MSL2: variants seen among roughly 807,000 people sequenced by gnomAD.
MSL2 encodes the protein MSL complex subunit 2, also known as E3 ubiquitin-protein ligase MSL2.
Under a neutral mutation model 35.8 loss-of-function variants are expected in MSL2, and 2 were observed. The ratio of observed to expected loss-of-function variants is 0.06; its 90% CI spans 0.02 to 0.18. The LOEUF (loss-of-function observed/expected upper bound fraction) is 0.18. Among genes scored for constraint, MSL2 ranks in the 10% least tolerant of loss-of-function variants. The pLI is 1.00. For missense variants in MSL2, 523 were observed against 706.7 expected (o/e 0.74, Z 2.95); for synonymous variants, 296 against 255.7 (o/e 1.16, Z -1.50).
At chr3:136,154,561 A>T (rs1939462908) in intron 1 of MSL2, among the ~76,000 whole-genome samples, 1 of 148,820 alleles carries the variant, frequency 6.7e-6, no homozygotes, top group Non-Finnish European at 1.5e-5. Context: ...AGAAATTAGA[A>T]ATCAGTGGGA....
intron 1 of MSL2, among the ~76,000 whole-genome samples, chr3:136,154,269 A>G (rs1939455445): frequency 6.6e-6 from 1 of 152,210 alleles, no homozygotes; most frequent in African/African-American, 2.4e-5. Flanking sequence ...AATTCTTCTG[A>G]CAGATTTCAA....
chr3:136,195,890 G>A lies in MSL2; in HGVS notation c.-777C>T. ...GCGGGAGGGGGCGGGGGGCAAGCCC[G>A]GCCGGGCCGCGGCGGCGCCCCTCGC... On this transcript the variant is annotated 5_prime_UTR_variant, in exon 1 of 2. Coordinates refer to ENST00000309993, the MANE Select transcript of MSL2 (RefSeq NM_018133.4). 1 of 896,648 alleles carries A rather than the reference G, an allele frequency of 1.1e-6. No homozygotes were observed. Among genetic ancestry groups the A allele is most frequent in the Non-Finnish European group, 1.3e-6 (1 of 750,428 alleles). The allele number at this position is 896,648 out of a possible 1,614,324, so 55.5% of individuals were successfully genotyped here.
chr3:136,152,278 T>C lies in MSL2; in HGVS notation c.603A>G (p.Ser201=), dbSNP rs1245115565. 1 of 1,613,978 alleles carries C rather than the reference T, an allele frequency of 6.2e-7. No homozygotes were observed. Among genetic ancestry groups the C allele is most frequent in the Non-Finnish European group, 8.5e-7 (1 of 1,179,918 alleles). Reference sequence around the variant, plus strand: ...GAATATTTATACCAAATCTATCTATTGAAAGCCCATTATAAGTAGGCAAAC... The same window carrying C: ...GAATATTTATACCAAATCTATCTATCGAAAGCCCATTATAAGTAGGCAAAC... ...INGLPTYNGL[S]IDRFGINIPS... is the part of the protein sequence containing the mutation. The change falls in exon 2 of 2, where the codon TCA becomes TCG. Residue 201 remains serine, a synonymous_variant. Coordinates refer to ENST00000309993, the MANE Select transcript of MSL2 (RefSeq NM_018133.4).
chr3:136,164,093 CAAA>C (rs1009215449), intron 1 of MSL2, among the ~76,000 whole-genome samples: 2 of 152,148 alleles, frequency 1.3e-5, no homozygotes, highest in South Asian at 4.2e-4. Context: ...AAAAAGAAAA[CAAA>C]ATCAGTTTCA....
chr3:136,154,598 G>T (rs1003215762), intron 1 of MSL2, among the ~76,000 whole-genome samples: 1 of 151,656 alleles, frequency 6.6e-6, no homozygotes, highest in African/African-American at 2.4e-5. Flanking sequence ...AAATCCCCAA[G>T]TATCTGGAAA....
At chr3:136,168,952 A>G (rs1018649089) in intron 1 of MSL2, among the ~76,000 whole-genome samples, 6 of 151,944 alleles carry the variant, frequency 3.9e-5, no homozygotes, top group Middle Eastern at 3.2e-3. Context: ...AATACAGAAG[A>G]AAAAAAAGAA....
chr3:136,182,281 T>C (rs1940389133), intron 1 of MSL2, among the ~76,000 whole-genome samples: 1 of 152,242 alleles, frequency 6.6e-6, no homozygotes, highest in African/African-American at 2.4e-5. Flanking sequence ...TTGTCACATA[T>C]GGCTAGTGGC....
In MSL2 at chr3:136,151,047, C is replaced by CTA; in HGVS notation, c.*98_*99dup. ...AATGAAAACACTTGATACAAGTGAT[C>CTA]TATATGCAGGAGCTCCGGCAAGTTA... On this transcript the variant is annotated 3_prime_UTR_variant, in exon 2 of 2. Coordinates refer to ENST00000309993, the MANE Select transcript of MSL2 (RefSeq NM_018133.4). This position sits in a 1 kb window ranked among gnomAD's most constrained non-coding sequence, Gnocchi z 5.2. The CTA allele has an allele frequency of 7.9e-7, 1 of 1,272,516 alleles. No homozygotes were observed. Among genetic ancestry groups the CTA allele is most frequent in the Non-Finnish European group, 1.1e-6 (1 of 905,556 alleles). 78.8% of individuals were successfully genotyped at this position (1,272,516 alleles called of 1,614,324 possible). A position where few individuals can be genotyped will look rare whatever the true frequency, so the allele number is the denominator to read the frequency against.
At chr3:136,166,063 A>T (rs869067472) in intron 1 of MSL2, among the ~76,000 whole-genome samples, 4 of 5,480 alleles carry the variant, frequency 7.3e-4, no homozygotes, top group African/African-American at 2.8e-3. Context: ...ACGTACCAGT[A>T]AAAAAAAAAA....
intron 1 of MSL2, among the ~76,000 whole-genome samples, chr3:136,180,924 G>GGT (rs909075766): frequency 6.6e-6 from 1 of 151,544 alleles, no homozygotes; most frequent in African/African-American, 2.4e-5. Flanking sequence ...AGCAGAGGAG[G>GGT]GTGGATCATC....
intron 1 of MSL2, among the ~76,000 whole-genome samples, chr3:136,182,180 C>T (rs1453525252): frequency 1.3e-5 from 2 of 152,168 alleles, no homozygotes; most frequent in African/African-American, 2.4e-5. Context: ...ATTACACTCA[C>T]ATGTGGCTAC....
chr3:136,155,980 A>G (rs930183318), intron 1 of MSL2: 12 of 393,144 alleles, frequency 3.1e-5, no homozygotes, highest in Non-Finnish European at 6.2e-5. Context: ...AAAATAATGA[A>G]TACATTTCCA....
chr3:136,152,272 A>G lies in MSL2; in HGVS notation c.609T>C (p.Asp203=). Residue 203 remains aspartate, a synonymous_variant, in exon 2 of 2, where the codon GAT becomes GAC. Transcript: ENST00000309993. ...GTGAAGGAATATTTATACCAAATCT[A>G]TCTATTGAAAGCCCATTATAAGTAG... ...GLPTYNGLSI[D]RFGINIPSPE... The G allele has an allele frequency of 1.2e-6, 2 of 1,614,078 alleles. No homozygotes were observed. Among genetic ancestry groups the G allele is most frequent in the African/African-American group, 1.3e-5 (1 of 75,046 alleles).
At chr3:136,172,102 C>G (rs1188722262) in intron 1 of MSL2, among the ~76,000 whole-genome samples, 1 of 152,130 alleles carries the variant, frequency 6.6e-6, no homozygotes, top group East Asian at 1.9e-4. Flanking sequence ...TGAGCCACCG[C>G]ACCTGGCCTG....
At chr3:136,184,999 G>C (rs998840096) in intron 1 of MSL2, among the ~76,000 whole-genome samples, 2 of 151,792 alleles carry the variant, frequency 1.3e-5, no homozygotes, top group African/African-American at 4.8e-5. Context: ...TTTTGAGACT[G>C]AGTCTTGCTC....
At chr3:136,172,840 A>C (rs1443619759) in intron 1 of MSL2, among the ~76,000 whole-genome samples, 1 of 152,114 alleles carries the variant, frequency 6.6e-6, no homozygotes, top group African/African-American at 2.4e-5. Context: ...TCCCCTTTTG[A>C]AACAGACATG....
At chr3:136,169,743 G>A (rs990054530) in intron 1 of MSL2, among the ~76,000 whole-genome samples, 3 of 150,108 alleles carry the variant, frequency 2.0e-5, no homozygotes, top group Non-Finnish European at 4.4e-5. Flanking sequence ...GTGAGCCACC[G>A]CACCCAGCCT....
At chr3:136,168,442 T>C (rs1298452831) in intron 1 of MSL2, among the ~76,000 whole-genome samples, 1 of 152,164 alleles carries the variant, frequency 6.6e-6, no homozygotes, top group East Asian at 1.9e-4. Flanking sequence ...TAAAAAACGA[T>C]GAGTTCATAT....
chr3:136,167,715 T>C (rs1224519457), intron 1 of MSL2, among the ~76,000 whole-genome samples: 3 of 152,294 alleles, frequency 2.0e-5, no homozygotes, highest in African/African-American at 7.2e-5. Context: ...TTGTCCAAGA[T>C]GCATTCTCAG....
Sources: gnomAD v4.1 joint callset for allele counts (sites outside exome capture counted in the v4.1 genomes callset) on GRCh38, gnomAD v4.1.1 for gene constraint, Gnocchi (gnomAD v3.1) non-coding constraint, MANE v1.5 for transcripts, NCBI Gene and HGNC (gene_info 2026-07-23, HGNC 2026-07-21) for gene names.